The following NAV2 variants were observed in gnomAD, a reference collection of about 807,000 sequenced individuals.
The protein encoded by NAV2 is helicase, APC down-regulated 1.
NAV2 carries 54 observed loss-of-function variants against 223.2 expected under a neutral mutation model. The ratio of observed to expected loss-of-function variants is 0.24; its 90% CI spans 0.19 to 0.30. The LOEUF (loss-of-function observed/expected upper bound fraction) is 0.30. NAV2 is among the 10% of genes least tolerant of loss of function. NAV2 has a pLI of 1.00. For missense variants in NAV2, 2,806 were observed against 3,147.5 expected (o/e 0.89, Z 2.60); for synonymous variants, 1,279 against 1,239.3 (o/e 1.03, Z -0.67).
chr11:19,365,441 A>T (rs1848244676), intron 1 of NAV2, among the ~76,000 whole-genome samples: 1 of 152,222 alleles, frequency 6.6e-6, no homozygotes, highest in African/African-American at 2.4e-5. Context: ...TCAGAAAGTC[A>T]CTTCACCTCG....
At chr11:19,856,545 C>T (rs1054942280) in intron 3 of NAV2, among the ~76,000 whole-genome samples, 4 of 152,092 alleles carry the variant, frequency 2.6e-5, no homozygotes, top group Non-Finnish European at 5.9e-5. Context: ...ATGCCTACAA[C>T]TAGCTTTTGA....
rs904963109 is a variant in NAV2, at chr11:19,713,641, C to T, written c.-55C>T. The T allele has an allele frequency of 2.9e-5, 43 of 1,493,924 alleles. No homozygotes were observed. The South Asian group carries it at 5.4e-4, about 19-fold the overall frequency. The allele number at this position is 1,493,924 out of a possible 1,614,324, so 92.5% of individuals were successfully genotyped here. On this transcript the variant is annotated 5_prime_UTR_variant, in exon 1 of 38. Transcript: ENST00000349880. This position sits in a 1 kb window ranked among gnomAD's most constrained non-coding sequence, Gnocchi z 7.2. ...TGCTACCCGCGCTGCCTTTAGCGGT[C>T]GCCCCCGCCGCCGCTGCCAGGGACG...
chr11:19,779,957 G>A (rs1258201385), intron 1 of NAV2, among the ~76,000 whole-genome samples: 2 of 152,222 alleles, frequency 1.3e-5, no homozygotes, highest in Admixed American at 1.3e-4. Flanking sequence ...AGAGGTGTGT[G>A]CCCGAACTTT....
chr11:19,670,467 C>G (rs559436317), intron 1 of NAV2, among the ~76,000 whole-genome samples: 52 of 152,330 alleles, frequency 3.4e-4, no homozygotes, highest in African/African-American at 1.3e-3. Context: ...CCTTGCAGTG[C>G]TCAGGGAACC....
At chr11:19,351,135 C>T (rs574827862) in intron 1 of NAV2, 69 of 1,134,248 alleles carry the variant, frequency 6.1e-5, no homozygotes, top group South Asian at 2.3e-4. Context: ...TCTTTCTCTC[C>T]GGAAGGAGGT....
rs768870826 is a variant in NAV2 at position 20,114,604 on chromosome 11, C to T, written c.6973C>T (p.Arg2325Cys). The T allele has an allele frequency of 5.6e-6, 9 of 1,613,934 alleles. No individual in the cohort carries two copies. Among genetic ancestry groups the T allele is most frequent in the Admixed American group, 1.7e-5 (1 of 60,004 alleles). The change falls in exon 37 of 38, where the codon CGC (arginine) becomes TGC (cysteine). Residue 2325 changes from arginine (R) to cysteine (C), a missense_variant. Physicochemically the swap from Arg to Cys is radical, Grantham distance 180 (BLOSUM62 -3). This residue lies in a region of NAV2 where 824 missense variants were observed against 1,069.4 expected (regional missense o/e 0.77). Coordinates refer to ENST00000349880, the MANE Select transcript of NAV2 (RefSeq NM_145117.5). ...TGCCTGTTTTCAGCTCTATGGAAGG[C>T]GCGCCCCCTGGGAGGATCCTGCCAA... ...VREGLQLYGR[R>C]APWEDPAKWV...
intron 4 of NAV2, among the ~76,000 whole-genome samples, chr11:19,876,560 G>A (rs1003072576): frequency 6.6e-6 from 1 of 152,116 alleles, no homozygotes; most frequent in Non-Finnish European, 1.5e-5. Flanking sequence ...TATATTTATT[G>A]GAGGAGCACT....
At chr11:20,029,323 C>T (rs918356723) in intron 11 of NAV2, among the ~76,000 whole-genome samples, 46 of 152,318 alleles carry the variant, frequency 3.0e-4, no homozygotes, top group African/African-American at 1.1e-3. Context: ...AGGCCTGGCT[C>T]TCCTTGCTCC....
intron 1 of NAV2, among the ~76,000 whole-genome samples, chr11:19,697,120 C>A (rs1336390368): frequency 6.6e-6 from 1 of 152,154 alleles, no homozygotes; most frequent in Non-Finnish European, 1.5e-5. Context: ...AAAATCATGC[C>A]CTTTGCAGCA....
intron 1 of NAV2, among the ~76,000 whole-genome samples, chr11:19,622,270 G>A (rs1350922031): frequency 6.6e-6 from 1 of 152,138 alleles, no homozygotes; most frequent in African/African-American, 2.4e-5. Flanking sequence ...TGTCTATTAG[G>A]TCTGCTTGGT....
At chr11:19,668,739 C>T (rs1357705986) in intron 1 of NAV2, among the ~76,000 whole-genome samples, 2 of 151,946 alleles carry the variant, frequency 1.3e-5, no homozygotes, top group African/African-American at 4.8e-5. Context: ...CCCTGGTGTC[C>T]AATCTGTGGC....
At chr11:19,404,809 T>A (rs1288685328) in intron 1 of NAV2, among the ~76,000 whole-genome samples, 1 of 152,220 alleles carries the variant, frequency 6.6e-6, no homozygotes, top group Non-Finnish European at 1.5e-5. Flanking sequence ...CATGATTAAA[T>A]TTTAAACGCA....
intron 1 of NAV2, among the ~76,000 whole-genome samples, chr11:19,742,731 G>A (rs1159299227): frequency 6.6e-6 from 1 of 152,214 alleles, no homozygotes. Context: ...AGATGGGCAG[G>A]AAATCTAAAA....
intron 20 of NAV2, among the ~76,000 whole-genome samples, chr11:20,066,220 G>A (rs550666738): frequency 7.9e-5 from 12 of 152,182 alleles, no homozygotes; most frequent in African/African-American, 1.4e-4. Context: ...TCATGTTCAC[G>A]GCTCTATCTT....
chr11:19,946,550 C>A, intron 9 of NAV2, 41 bp downstream of exon 9: 2 of 1,532,170 alleles, frequency 1.3e-6, no homozygotes, highest in African/African-American at 2.7e-5. Context: ...TACCTGGTAT[C>A]CTAATTTTCT....
chr11:19,921,827 A>G (rs191027413), intron 6 of NAV2, among the ~76,000 whole-genome samples: 2 of 152,376 alleles, frequency 1.3e-5, no homozygotes, highest in Admixed American at 1.3e-4. Flanking sequence ...AAAAGAAGTT[A>G]AAACAATAAA....
At chr11:19,725,401 A>C (rs1401444378) in intron 1 of NAV2, among the ~76,000 whole-genome samples, 2 of 152,224 alleles carry the variant, frequency 1.3e-5, no homozygotes, top group Non-Finnish European at 2.9e-5. Flanking sequence ...CAGAAAGGGA[A>C]AGCAACTTGT....
chr11:20,034,446 C>G (rs2056154565), intron 11 of NAV2, among the ~76,000 whole-genome samples: 1 of 148,490 alleles, frequency 6.7e-6, no homozygotes, highest in Non-Finnish European at 1.5e-5. Context: ...GTGGTGTGAT[C>G]TCAGCTCACT....
chr11:19,442,610 G>A (rs1382829003), intron 1 of NAV2, among the ~76,000 whole-genome samples: 1 of 152,170 alleles, frequency 6.6e-6, no homozygotes, highest in Non-Finnish European at 1.5e-5. Flanking sequence ...CAGGATCAGA[G>A]GGCAGGGCTC....
Sources: allele counts gnomAD v4.1 joint callset (sites outside exome capture counted in the v4.1 genomes callset), GRCh38; gene constraint gnomAD v4.1.1; regional missense constraint gnomAD v4.1.1; non-coding constraint Gnocchi (gnomAD v3.1); transcripts MANE v1.5; gene names NCBI Gene and HGNC (gene_info 2026-07-23, HGNC 2026-07-21).